The following SSH2 variants were observed in gnomAD, a reference collection of about 807,000 sequenced individuals.
SSH2 encodes the protein protein phosphatase Slingshot homolog 2.
In SSH2, 37 loss-of-function variants were observed where a neutral mutation model predicts 135.2. That is an observed-to-expected ratio of 0.27 (90% confidence interval 0.21 to 0.36). The LOEUF (loss-of-function observed/expected upper bound fraction) is 0.36. SSH2 is among the 10% of genes least tolerant of loss of function. The pLI, the probability that SSH2 is intolerant of heterozygous loss-of-function variation, is 1.00. For synonymous variants in SSH2, 628 were observed against 646.2 expected, an observed-to-expected ratio of 0.97 and a Z score of 0.43; for missense variants, 1,408 against 1,765.3, an observed-to-expected ratio of 0.80 and a Z score of 3.63.
intron 2 of SSH2, among the ~76,000 whole-genome samples, chr17:29,843,569 A>AT (rs1269997337): frequency 6.6e-6 from 1 of 151,924 alleles, no homozygotes; most frequent in African/African-American, 2.4e-5. Context: ...GAAAAAAAAA[A>AT]AAAAATTACT....
At chr17:29,750,630 C>T (rs938897091) in intron 3 of SSH2, among the ~76,000 whole-genome samples, 1 of 151,624 alleles carries the variant, frequency 6.6e-6, no homozygotes, top group South Asian at 2.1e-4. Flanking sequence ...TCAAGTGATC[C>T]TCCTGCCTCA....
chr17:29,650,607 G>A (rs1209129685), intron 13 of SSH2, 47 bp downstream of exon 13: 2 of 1,552,050 alleles, frequency 1.3e-6, no homozygotes, highest in South Asian at 1.2e-5. Context: ...ATGTGTGGTG[G>A]GGCAAGAGGA....
intron 1 of SSH2, among the ~76,000 whole-genome samples, chr17:29,864,920 T>C (rs940342183): frequency 3.9e-5 from 6 of 152,190 alleles, no homozygotes; most frequent in African/African-American, 1.4e-4. Flanking sequence ...AATGTGTTTT[T>C]CACAAGCCCT....
Position 29,636,181 on chromosome 17 carries a change from T to A in SSH2, c.2049A>T (p.Leu683=). 10 of 1,614,128 alleles carry A rather than the reference T, an allele frequency of 6.2e-6. No homozygotes were observed. Among genetic ancestry groups the A allele is most frequent in the Non-Finnish European group, 8.5e-6 (10 of 1,180,008 alleles). The part of the protein sequence containing the change: ...STDRIDFFSA[L]EKFVELSQET... ...CTTGGGAGAGCTCCACAAACTTCTCTAGGGCACTAAAAAAGTCAATGCGAT... is the reference window on the plus strand; with the variant it reads ...CTTGGGAGAGCTCCACAAACTTCTCAAGGGCACTAAAAAAGTCAATGCGAT... Residue 683 remains leucine, a synonymous_variant, in exon 15 of 16, where the codon CTA becomes CTT. Transcript: ENST00000540801.
chr17:29,676,733 C>G (rs1182071128), intron 8 of SSH2, 87 bp downstream of exon 8: 1 of 1,093,356 alleles, frequency 9.1e-7, no homozygotes, highest in African/African-American at 1.6e-5. Context: ...ATTTTCATAG[C>G]AAACTGTACC....
chr17:29,659,892 G>A (rs757288208), intron 11 of SSH2, among the ~76,000 whole-genome samples: 3 of 151,658 alleles, frequency 2.0e-5, no homozygotes, highest in Non-Finnish European at 2.9e-5. Flanking sequence ...GTGCAGTGAC[G>A]TGATCTTGGC....
chr17:29,880,071 T>TATCC lies in SSH2; in HGVS notation c.64-31146_64-31143dup, dbSNP rs367676364. On this transcript the variant is annotated intron_variant, in intron 1 of 15. Coordinates refer to ENST00000540801, the MANE Select transcript of SSH2 (RefSeq NM_001282129.2). ...ACAGCCTTCTAGTCATTCATTCGAT[T>TATCC]ATCCATCCATCCATCCATTATCCAT... is the stretch of plus-strand genomic sequence containing the variant. Among the ~76,000 whole-genome samples the TATCC allele has an allele frequency of 1.8e-3, 268 of 152,296 alleles. 3 individuals are homozygous for TATCC. The highest frequency in any genetic ancestry group is 6.0e-3 in the African/African-American group (251 of 41,566).
intron 6 of SSH2, 129 bp from the exon 7 acceptor site, chr17:29,677,870 G>T (rs2037795604): frequency 1.5e-6 from 1 of 665,218 alleles, no homozygotes; most frequent in Non-Finnish European, 2.6e-6. Context: ...TTACAATGAA[G>T]AAATTTCTAT....
intron 2 of SSH2, among the ~76,000 whole-genome samples, chr17:29,833,206 G>A (rs1376111868): frequency 1.3e-5 from 2 of 152,058 alleles, no homozygotes; most frequent in African/African-American, 4.8e-5. Flanking sequence ...AACTATTATT[G>A]TATTGGGGTT....
intron 1 of SSH2, among the ~76,000 whole-genome samples, chr17:29,926,494 C>T (rs1430146675): frequency 6.6e-6 from 1 of 150,808 alleles, no homozygotes; most frequent in Non-Finnish European, 1.5e-5. Flanking sequence ...GTGGAGGTTG[C>T]AGTGAGCCGA....
intron 1 of SSH2, among the ~76,000 whole-genome samples, chr17:29,863,041 A>G (rs2065791411): frequency 1.3e-5 from 2 of 152,054 alleles, no homozygotes; most frequent in Non-Finnish European, 2.9e-5. Context: ...CAAGCTAAGA[A>G]TGGCTTTTGC....
intron 1 of SSH2, among the ~76,000 whole-genome samples, chr17:29,915,309 T>C (rs1268715249): frequency 6.6e-6 from 1 of 152,216 alleles, no homozygotes; most frequent in African/African-American, 2.4e-5. Flanking sequence ...GCTTTGGAAA[T>C]GCATCTAAGA....
At chr17:29,728,846 T>C (rs2040087303) in intron 3 of SSH2, among the ~76,000 whole-genome samples, 1 of 152,220 alleles carries the variant, frequency 6.6e-6, no homozygotes, top group Non-Finnish European at 1.5e-5. Flanking sequence ...GATGTCCATA[T>C]GCAGAAGAGT....
intron 1 of SSH2, among the ~76,000 whole-genome samples, chr17:29,920,695 A>G (rs1465171831): frequency 6.6e-6 from 1 of 152,198 alleles, no homozygotes; most frequent in African/African-American, 2.4e-5. Context: ...AGATATAAAA[A>G]TAATACTATA....
rs1207406984 is a variant in SSH2 at position 29,632,021 on chromosome 17, G to A, written c.3173C>T (p.Ala1058Val). 1 of 1,614,200 alleles carries A rather than the reference G, an allele frequency of 6.2e-7. No homozygotes were observed. Among genetic ancestry groups the A allele is most frequent in the Non-Finnish European group, 8.5e-7 (1 of 1,180,024 alleles). Reference protein sequence around the residue: ...PNHTGPGSEIATSEKSGEQGL... With the variant: ...PNHTGPGSEIVTSEKSGEQGL... Reference sequence around the variant, plus strand: ...TTGCTCTCCGCTCTTCTCACTGGTGGCTATTTCACTCCCTGGCCCAGTGTG... The same window carrying A: ...TTGCTCTCCGCTCTTCTCACTGGTGACTATTTCACTCCCTGGCCCAGTGTG... Residue 1058 changes from alanine (A) to valine (V), a missense_variant, in exon 16 of 16, where the codon GCC becomes GTC. Around this residue, in one of 3 missense-constraint regions of SSH2, gnomAD observed 1,080 missense variants for 1,144.5 expected, o/e 0.94. Transcript: ENST00000540801.
chr17:29,772,447 G>A (rs563124981), intron 3 of SSH2, among the ~76,000 whole-genome samples: 25 of 151,880 alleles, frequency 1.6e-4, no homozygotes, highest in African/African-American at 5.1e-4. Context: ...GGGTTTCACC[G>A]TGTTAGCCAA....
At chr17:29,913,680 G>A (rs1468059622) in intron 1 of SSH2, among the ~76,000 whole-genome samples, 1 of 150,854 alleles carries the variant, frequency 6.6e-6, no homozygotes, top group Non-Finnish European at 1.5e-5. Context: ...TATTGCCCAG[G>A]CTGGAGTACA....
At chr17:29,861,884 G>A (rs1352385478) in intron 1 of SSH2, among the ~76,000 whole-genome samples, 1 of 152,092 alleles carries the variant, frequency 6.6e-6, no homozygotes, top group African/African-American at 2.4e-5. Flanking sequence ...TTACTGGGGG[G>A]AAACAATTGT....
At chr17:29,655,350 G>C (rs1397914374) in intron 12 of SSH2, among the ~76,000 whole-genome samples, 1 of 152,114 alleles carries the variant, frequency 6.6e-6, no homozygotes, top group East Asian at 1.9e-4. Context: ...TGATCCACCC[G>C]CCTCAGCTTC....
Sources: gnomAD v4.1 joint callset for allele counts (sites outside exome capture counted in the v4.1 genomes callset) on GRCh38, gnomAD v4.1.1 for gene constraint, gnomAD v4.1.1 regional missense constraint, MANE v1.5 for transcripts, NCBI Gene and HGNC (gene_info 2026-07-23, HGNC 2026-07-21) for gene names.